The following FSD1L variants were observed in gnomAD, a reference collection of about 807,000 sequenced individuals.
The protein encoded by FSD1L is FSD1-like protein.
In FSD1L, 45 loss-of-function variants were observed where a neutral mutation model predicts 71.6. That is an observed-to-expected ratio of 0.63 (90% CI 0.49 to 0.81). The LOEUF (loss-of-function observed/expected upper bound fraction) is 0.81. FSD1L is among the 30% of genes least tolerant of loss of function. The pLI is 0.00. For missense variants in FSD1L, 561 were observed against 618.1 expected (o/e 0.91, Z 0.98); for synonymous variants, 197 against 207.2 (o/e 0.95, Z 0.42).
At chr9:105,490,109 A>C (rs1308614082) in intron 7 of FSD1L, among the ~76,000 whole-genome samples, 1 of 152,250 alleles carries the variant, frequency 6.6e-6, no homozygotes, top group African/African-American at 2.4e-5. Context: ...GAACTAGTTT[A>C]CAGTCCCACC....
At chr9:105,516,918 A>G (rs776539973) in intron 10 of FSD1L, among the ~76,000 whole-genome samples, 5 of 152,210 alleles carry the variant, frequency 3.3e-5, no homozygotes, top group African/African-American at 4.8e-5. Context: ...AAGGAAGCTA[A>G]GAACCTTGAA....
intron 13 of FSD1L, among the ~76,000 whole-genome samples, 195 bp from the exon 14 acceptor site, chr9:105,546,163 T>A (rs1836991100): frequency 6.6e-6 from 1 of 152,152 alleles, no homozygotes. Flanking sequence ...CACCAAGACC[T>A]CCTCTGGCCT....
intron 7 of FSD1L, among the ~76,000 whole-genome samples, chr9:105,485,262 A>G (rs1267387223): frequency 6.6e-6 from 1 of 152,248 alleles, no homozygotes; most frequent in Admixed American, 6.5e-5. Context: ...GCTTCTGGTG[A>G]TAGCCTCATG....
intron 10 of FSD1L, among the ~76,000 whole-genome samples, chr9:105,529,714 C>T (rs951635968): frequency 1.3e-5 from 2 of 151,662 alleles, no homozygotes; most frequent in African/African-American, 4.9e-5. Context: ...CACATGTATA[C>T]CTATGTAACA....
intron 7 of FSD1L, among the ~76,000 whole-genome samples, chr9:105,487,180 T>C (rs992223886): frequency 2.0e-5 from 3 of 152,128 alleles, no homozygotes; most frequent in Non-Finnish European, 4.4e-5. Context: ...TGAATGTAAT[T>C]AGTTCTTGAT....
chr9:105,534,441 A>C, intron 10 of FSD1L, 52 bp from the exon 11 acceptor site: 1 of 944,946 alleles, frequency 1.1e-6, no homozygotes, highest in Non-Finnish European at 1.6e-6. Context: ...TAGTTTATGA[A>C]ACATTTACAG....
intron 13 of FSD1L, among the ~76,000 whole-genome samples, chr9:105,545,284 A>G (rs1461456724): frequency 6.8e-6 from 1 of 146,216 alleles, no homozygotes; most frequent in African/African-American, 2.7e-5. Flanking sequence ...GTATCCTGAG[A>G]CTTTGCTGAA....
At chr9:105,463,548 G>A (rs149401288) in intron 2 of FSD1L, among the ~76,000 whole-genome samples, 1 of 152,302 alleles carries the variant, frequency 6.6e-6, no homozygotes, top group African/African-American at 2.4e-5. Context: ...TTCTTTAACT[G>A]TGTGTGGCTA....
At chr9:105,507,247 A>G (rs1834111799) in intron 8 of FSD1L, among the ~76,000 whole-genome samples, 1 of 152,222 alleles carries the variant, frequency 6.6e-6, no homozygotes, top group Admixed American at 6.5e-5. Flanking sequence ...ACTTGGTATA[A>G]CAATAGAAAT....
chr9:105,492,969 A>G (rs1833063404), intron 7 of FSD1L, among the ~76,000 whole-genome samples: 1 of 152,086 alleles, frequency 6.6e-6, no homozygotes, highest in Non-Finnish European at 1.5e-5. Flanking sequence ...AAAAAAATGT[A>G]TATTCTGTTG....
At chr9:105,519,359 T>A (rs1834961418) in intron 10 of FSD1L, among the ~76,000 whole-genome samples, 1 of 151,964 alleles carries the variant, frequency 6.6e-6, no homozygotes, top group South Asian at 2.1e-4. Context: ...AAAAAAAAAT[T>A]TCAGGCCAAT....
chr9:105,495,331 G>A (rs1345456609), intron 7 of FSD1L, among the ~76,000 whole-genome samples: 4 of 152,200 alleles, frequency 2.6e-5, no homozygotes, highest in Non-Finnish European at 4.4e-5. Flanking sequence ...CTCCTGGTGC[G>A]CTGTTTTTAA....
chr9:105,536,633 G>A (rs770607364), intron 12 of FSD1L, among the ~76,000 whole-genome samples: 50 of 151,306 alleles, frequency 3.3e-4, no homozygotes, highest in Non-Finnish European at 2.1e-4. Context: ...GGTTTTTTTT[G>A]TTTTGTTTTG....
At chr9:105,477,711 GT>G (rs1326759234) in intron 5 of FSD1L, among the ~76,000 whole-genome samples, 2 of 152,032 alleles carry the variant, frequency 1.3e-5, no homozygotes, top group Non-Finnish European at 2.9e-5. Flanking sequence ...TTTAATGATA[GT>G]AATTAAAAAA....
chr9:105,447,854 G>T, upstream of FSD1L: 2 of 372,322 alleles, frequency 5.4e-6, no homozygotes, highest in East Asian at 6.5e-5. Context: ...CCTATTTCAG[G>T]GCCGGAGAGA....
At chr9:105,512,715 A>G in intron 9 of FSD1L, 92 bp from the exon 10 acceptor site, 2 of 659,684 alleles carry the variant, frequency 3.0e-6, no homozygotes, top group Non-Finnish European at 4.8e-6. Flanking sequence ...TATTGAATTG[A>G]TTGAGTAGGA....
At chr9:105,534,828 A>C (rs1005177809) in intron 11 of FSD1L, among the ~76,000 whole-genome samples, 2 of 152,114 alleles carry the variant, frequency 1.3e-5, no homozygotes, top group Non-Finnish European at 2.9e-5. Flanking sequence ...ATAAGCCGGG[A>C]GGGGGGATAG....
chr9:105,496,463 A>C (rs1564113903), intron 7 of FSD1L, among the ~76,000 whole-genome samples: 1 of 152,194 alleles, frequency 6.6e-6, no homozygotes, highest in African/African-American at 2.4e-5. Context: ...GATTGCAATC[A>C]ATCTGTAGGT....
intron 10 of FSD1L, chr9:105,523,818 A>G: frequency 6.3e-7 from 1 of 1,599,944 alleles, no homozygotes; most frequent in African/African-American, 1.3e-5. Context: ...GGATATTGTC[A>G]ATACAATCAT....
Sources: allele counts gnomAD v4.1 joint callset (sites outside exome capture counted in the v4.1 genomes callset), GRCh38; gene constraint gnomAD v4.1.1; transcripts MANE v1.5; gene names NCBI Gene and HGNC (gene_info 2026-07-23, HGNC 2026-07-21).